The following JARID2 variants were observed in gnomAD, a reference collection of about 807,000 sequenced individuals.
The protein encoded by JARID2 is jumonji and AT-rich interaction domain containing 2.
JARID2 carries 21 observed loss-of-function variants against 125.6 expected under a neutral mutation model. The observed-to-expected ratio is 0.17, with a 90% confidence interval of 0.12 to 0.24. The LOEUF (loss-of-function observed/expected upper bound fraction) is 0.24. Ranked by LOEUF, JARID2 falls within the 10% of genes least tolerant of loss-of-function variation. The pLI is 1.00. For synonymous variants in JARID2, 736 were observed against 661.6 expected (o/e 1.11, Z -1.73); for missense variants, 1,303 against 1,639.6 (o/e 0.79, Z 3.55).
intron 5 of JARID2, among the ~76,000 whole-genome samples, chr6:15,469,298 GTCTCTGTC>G (rs1394726436): frequency 4.2e-4 from 12 of 28,298 alleles, no homozygotes; most frequent in East Asian, 9.3e-4. Context: ...CTGTCTCTCT[GTCTCTGTC>G]TCTCTCTCTC....
intron 1 of JARID2, 42 bp from the exon 2 acceptor site, chr6:15,374,075 C>T (rs1194929059): frequency 6.2e-7 from 1 of 1,601,298 alleles, no homozygotes; most frequent in East Asian, 2.2e-5. Flanking sequence ...TATTGCCTTG[C>T]TTTCTATTCA....
At chr6:15,499,885 C>T (rs945892379) in intron 7 of JARID2, among the ~76,000 whole-genome samples, 1 of 152,104 alleles carries the variant, frequency 6.6e-6, no homozygotes, top group Non-Finnish European at 1.5e-5. Context: ...CTGTGTCTGC[C>T]GAGGTGGTTC....
intron 3 of JARID2, among the ~76,000 whole-genome samples, chr6:15,442,541 C>G (rs1767491323): frequency 6.6e-6 from 1 of 152,206 alleles, no homozygotes; most frequent in African/African-American, 2.4e-5. Context: ...GACCAGCAGT[C>G]TTTGACGAGA....
At chr6:15,253,537 G>A (rs954956296) in intron 1 of JARID2, among the ~76,000 whole-genome samples, 6 of 152,108 alleles carry the variant, frequency 3.9e-5, no homozygotes, top group East Asian at 1.9e-4. Context: ...AAGAGCCCAC[G>A]CAGATTGTTC....
chr6:15,390,841 C>A (rs945711738), intron 2 of JARID2, among the ~76,000 whole-genome samples: 1 of 152,190 alleles, frequency 6.6e-6, no homozygotes, highest in African/African-American at 2.4e-5. Flanking sequence ...ACACTGTCAT[C>A]CCTGTAAGTA....
rs1034587800 is a variant in JARID2 at position 15,445,904 on chromosome 6, A to G, written c.324-6102A>G. On this transcript the variant is annotated intron_variant, in intron 3 of 17. Transcript: ENST00000341776. ...TTCGTTTTCAAATATCAGCCTCTATATTCAAGACACAGTTTTATTCTTAAC... is the reference window on the plus strand; with the variant it reads ...TTCGTTTTCAAATATCAGCCTCTATGTTCAAGACACAGTTTTATTCTTAAC... Among the ~76,000 whole-genome samples the G allele has an allele frequency of 3.3e-5, 5 of 152,256 alleles. No individual in the cohort carries two copies. In the East Asian group the frequency reaches 9.6e-4, roughly 29 times the overall value.
chr6:15,373,406 A>G (rs1238786334), intron 1 of JARID2, among the ~76,000 whole-genome samples: 1 of 152,146 alleles, frequency 6.6e-6, no homozygotes, highest in East Asian at 1.9e-4. Flanking sequence ...GTTAATTCTT[A>G]AGAACTTGTA....
At chr6:15,513,792 G>A (rs1234991254) in intron 16 of JARID2, among the ~76,000 whole-genome samples, 2 of 152,254 alleles carry the variant, frequency 1.3e-5, no homozygotes, top group Non-Finnish European at 2.9e-5. Flanking sequence ...TTCCAGTACT[G>A]GGCAGCGTCT....
intron 1 of JARID2, among the ~76,000 whole-genome samples, chr6:15,261,971 G>A (rs924518523): frequency 4.0e-5 from 6 of 151,540 alleles, no homozygotes; most frequent in East Asian, 2.0e-4. Flanking sequence ...TAGTAGAGGC[G>A]GGGTTTCACC....
At chr6:15,315,713 G>A (rs374171312) in intron 1 of JARID2, among the ~76,000 whole-genome samples, 17 of 152,202 alleles carry the variant, frequency 1.1e-4, no homozygotes, top group African/African-American at 2.6e-4. Flanking sequence ...GTGGTGTTTC[G>A]CCCAATTCTG....
intron 2 of JARID2, among the ~76,000 whole-genome samples, chr6:15,388,823 T>C (rs1764890717): frequency 5.9e-5 from 9 of 152,114 alleles, no homozygotes; most frequent in Admixed American, 5.9e-4. Context: ...TGTTCTTGCT[T>C]CATTTATGCT....
chr6:15,499,833 C>T (rs1770645782), intron 7 of JARID2, among the ~76,000 whole-genome samples: 1 of 152,080 alleles, frequency 6.6e-6, no homozygotes, highest in South Asian at 2.1e-4. Context: ...TGTCCCCATC[C>T]CTGGTCTTGC....
chr6:15,309,816 A>G (rs932295888), intron 1 of JARID2, among the ~76,000 whole-genome samples: 8 of 152,144 alleles, frequency 5.3e-5, no homozygotes, highest in Non-Finnish European at 1.2e-4. Flanking sequence ...GGGATTGGCC[A>G]GTAGTGTGTT....
chr6:15,324,012 C>T (rs568423434), intron 1 of JARID2, among the ~76,000 whole-genome samples: 1 of 149,754 alleles, frequency 6.7e-6, no homozygotes, highest in African/African-American at 2.5e-5. Flanking sequence ...GAAACCCTGT[C>T]TCTACTAAAA....
intron 1 of JARID2, among the ~76,000 whole-genome samples, chr6:15,311,767 T>A (rs1303289813): frequency 1.3e-5 from 2 of 152,002 alleles, no homozygotes; most frequent in African/African-American, 4.8e-5. Context: ...TGTAATATTT[T>A]CCTTAAAAAA....
At chr6:15,413,008 G>GTTTGTTTTTTT (rs1765958572) in intron 3 of JARID2, among the ~76,000 whole-genome samples, 1 of 47,474 alleles carries the variant, frequency 2.1e-5, no homozygotes, top group East Asian at 5.4e-4. Context: ...TTGTGTTTTT[G>GTTTGTTTTTTT]TTTTTTTTTT....
At chr6:15,277,522 T>G (rs556167515) in intron 1 of JARID2, among the ~76,000 whole-genome samples, 1 of 152,178 alleles carries the variant, frequency 6.6e-6, no homozygotes, top group South Asian at 2.1e-4. Flanking sequence ...CTATCCTGGG[T>G]AAGGTTTCTC....
chr6:15,261,595 C>G (rs1279764121), intron 1 of JARID2, among the ~76,000 whole-genome samples: 1 of 151,922 alleles, frequency 6.6e-6, no homozygotes, highest in Non-Finnish European at 1.5e-5. Flanking sequence ...GCTGGGATTA[C>G]AGGCGTGAGC....
intron 5 of JARID2, among the ~76,000 whole-genome samples, chr6:15,477,502 TG>T (rs1012645915): frequency 1.2e-4 from 10 of 83,782 alleles, no homozygotes; most frequent in Non-Finnish European, 1.3e-4. Context: ...ATGGGAGTGT[TG>T]GTTTTTTTTT....
Sources: allele counts gnomAD v4.1 joint callset (sites outside exome capture counted in the v4.1 genomes callset), GRCh38; gene constraint gnomAD v4.1.1; transcripts MANE v1.5; gene names NCBI Gene and HGNC (gene_info 2026-07-23, HGNC 2026-07-21).